Variants in PRDM14 observed in about 807,000 individuals in gnomAD.
PRDM14 encodes PR/SET domain 14.
In PRDM14, 16 loss-of-function variants were observed where a neutral mutation model predicts 48.0. That is an observed-to-expected ratio of 0.33 (90% CI 0.23 to 0.51). The LOEUF (loss-of-function observed/expected upper bound fraction) is 0.51. Ranked by LOEUF, PRDM14 falls within the 20% of genes least tolerant of loss-of-function variation. The pLI is 0.97. For missense variants in PRDM14, 566 were observed against 719.6 expected (o/e 0.79, Z 2.44); for synonymous variants, 264 against 276.6 (o/e 0.95, Z 0.45).
At position 70,052,136 on chromosome 8, in the gene PRDM14, T is replaced by C; in HGVS notation, c.1657A>G (p.Lys553Glu). ...DDGCSCSICG[K>E]IFSDQETFYS... is the part of the protein sequence containing the mutation. Reference sequence around the variant, plus strand: ...AATGTTTCTTGATCTGAGAAGATTTTCCCACAGATGCTGCATGAGCAGCCA... The same window carrying C: ...AATGTTTCTTGATCTGAGAAGATTTCCCCACAGATGCTGCATGAGCAGCCA... Residue 553 changes from lysine (K) to glutamate (E), a missense_variant, in exon 8 of 8, where the codon AAA becomes GAA. Coordinates refer to ENST00000276594, the MANE Select transcript of PRDM14 (RefSeq NM_024504.4). 3.7e-6 allele frequency: 6 copies of C among 1,613,050 alleles called. No homozygotes were observed. Among genetic ancestry groups the C allele is most frequent in the Non-Finnish European group, 4.2e-6 (5 of 1,179,874 alleles).
intron 6 of PRDM14, among the ~76,000 whole-genome samples, chr8:70,055,751 C>T (rs1265330652): frequency 6.6e-6 from 1 of 152,148 alleles, no homozygotes; most frequent in Non-Finnish European, 1.5e-5. Context: ...ATCCTCCTGC[C>T]TTGGCCTCCC....
intron 1 of PRDM14, 32 bp from the exon 2 acceptor site, chr8:70,069,916 G>A (rs1805739196): frequency 8.0e-6 from 11 of 1,371,772 alleles, no homozygotes; most frequent in East Asian, 7.5e-5. Context: ...TGAGGACACC[G>A]CGCGGGAGCT....
intron 5 of PRDM14, among the ~76,000 whole-genome samples, chr8:70,063,479 G>A (rs770783620): frequency 2.0e-5 from 3 of 152,016 alleles, no homozygotes; most frequent in Non-Finnish European, 2.9e-5. Context: ...CATCTTGCCA[G>A]TTACTAAGCA....
In PRDM14 at chr8:70,051,770, T is replaced by TTTTTGTTTTGTTTTG. The variant is rs71275046; in HGVS notation, c.*292_*306dup. 894 of 247,600 alleles carry TTTTTGTTTTGTTTTG rather than the reference T, an allele frequency of 3.6e-3. 6 individuals are homozygous for TTTTTGTTTTGTTTTG. Among genetic ancestry groups the TTTTTGTTTTGTTTTG allele is most frequent in the African/African-American group, 0.019 (849 of 45,474 alleles). 15.3% of individuals were successfully genotyped at this position (247,600 alleles called of 1,614,324 possible). A position where few individuals can be genotyped will look rare whatever the true frequency, so the allele number is the denominator to read the frequency against. On this transcript the variant is annotated 3_prime_UTR_variant, in exon 8 of 8. Transcript: ENST00000276594. ...CCACACTCTTGAGGGCTACTCATTT[T>TTTTTGTTTTGTTTTG]TTTTGTTTTGTTTTGTTTTGAGACA...
At position 70,068,481 on chromosome 8, in the gene PRDM14, T is replaced by C. The variant is rs1379550880; in HGVS notation, c.752A>G (p.Glu251Gly). The change falls in exon 3 of 8, where the codon GAA becomes GGA. Residue 251 changes from glutamate (E) to glycine (G), a missense_variant and splice_region_variant. Physicochemically the swap from Glu to Gly is moderately conservative, Grantham distance 98. Coordinates refer to ENST00000276594, the MANE Select transcript of PRDM14 (RefSeq NM_024504.4). ...TCCATGCAAGGAGTCCTGCCTACCTTCTGGAAGTTGAAGGGAGTCTTTATC... is the reference window on the plus strand; with the variant it reads ...TCCATGCAAGGAGTCCTGCCTACCTCCTGGAAGTTGAAGGGAGTCTTTATC... ...TLDKDSLQLP[E>G]GLCLMQTVFG... 1.2e-6 allele frequency: 2 copies of C among 1,614,022 alleles called. No individual in the cohort carries two copies. The highest frequency in any genetic ancestry group is 3.3e-5 in the Admixed American group (2 of 60,002).
At chr8:70,055,479 G>T in intron 6 of PRDM14, 78 bp from the exon 7 acceptor site, 1 of 790,524 alleles carries the variant, frequency 1.3e-6, no homozygotes, top group South Asian at 1.6e-5. Context: ...TTTACCTGGG[G>T]TTAGAGAAGA....
chr8:70,055,858 T>C (rs1035007084), intron 6 of PRDM14, among the ~76,000 whole-genome samples: 4 of 152,184 alleles, frequency 2.6e-5, no homozygotes, highest in Non-Finnish European at 5.9e-5. Context: ...TTGTGGTATA[T>C]GGCAGAGGCC....
chr8:70,066,298 G>A lies in PRDM14; in HGVS notation c.1120C>T (p.Leu374=), dbSNP rs1430470075. ...VWYGDCYEKF[L]DIPVSLQVTE... ...ACCTGAAGGCTCACAGGAATATCCAGAAATTTCTCATAGCAGTCTCCATAC... is the reference window on the plus strand; with the variant it reads ...ACCTGAAGGCTCACAGGAATATCCAAAAATTTCTCATAGCAGTCTCCATAC... The change falls in exon 5 of 8, where the codon CTG becomes TTG. Residue 374 remains leucine, a synonymous_variant. Coordinates refer to ENST00000276594, the MANE Select transcript of PRDM14 (RefSeq NM_024504.4). 2.5e-6 allele frequency: 4 copies of A among 1,614,068 alleles called. No individual in the cohort carries two copies. The highest frequency in any genetic ancestry group is 3.4e-6 in the Non-Finnish European group (4 of 1,180,050).
chr8:70,066,271 T>A lies in PRDM14; in HGVS notation c.1147A>T (p.Thr383Ser). 6.2e-7 allele frequency: 1 copy of A among 1,614,132 alleles called. No homozygotes were observed. The highest frequency in any genetic ancestry group is 1.1e-5 in the South Asian group (1 of 91,080). The stretch of plus-strand genomic sequence containing the variant: ...CCAGATGGCTGCTTCCCCGGCTCTG[T>A]GACCTGAAGGCTCACAGGAATATCC... Reference protein sequence around the residue: ...FLDIPVSLQVTEPGKQPSGPS... With the variant: ...FLDIPVSLQVSEPGKQPSGPS... The change falls in exon 5 of 8, where the codon ACA becomes TCA. Residue 383 changes from threonine to serine, a missense_variant. Physicochemically the swap from Thr to Ser is moderately conservative, Grantham distance 58 (BLOSUM62 1). This residue lies in a region of PRDM14 where 126 missense variants were observed against 271.6 expected (regional missense o/e 0.46). Transcript: ENST00000276594.
At chr8:70,070,516 C>A (rs956437394) in intron 1 of PRDM14, among the ~76,000 whole-genome samples, 2 of 152,196 alleles carry the variant, frequency 1.3e-5, no homozygotes, top group Non-Finnish European at 1.5e-5. Flanking sequence ...GCGGTGTGAC[C>A]CCGCGGGTCC....
intron 5 of PRDM14, among the ~76,000 whole-genome samples, chr8:70,060,499 G>T (rs956222971): frequency 1.3e-5 from 2 of 151,572 alleles, no homozygotes; most frequent in African/African-American, 4.9e-5. Context: ...ACTTATATAT[G>T]CACATTTATA....
intron 6 of PRDM14, 146 bp from the exon 7 acceptor site, chr8:70,055,547 C>G: frequency 1.9e-6 from 1 of 522,226 alleles, no homozygotes; most frequent in Non-Finnish European, 3.4e-6. Context: ...AATTTGTTAC[C>G]CAGACTGGAC....
In PRDM14 at chr8:70,063,553, T is replaced by C. The variant is rs542653745; in HGVS notation, c.1183+2682A>G. ...TCATTTTTCTTTTTGAGATGGAGTC[T>C]CACTCTGTCACCCAGGCTGGAGTGC... On this transcript the variant is annotated intron_variant, in intron 5 of 7. Transcript: ENST00000276594. Among the ~76,000 whole-genome samples the C allele has an allele frequency of 1.0e-3, 152 of 152,228 alleles. 1 individual carries two copies. Among genetic ancestry groups the C allele is most frequent in the Non-Finnish European group, 1.7e-3 (113 of 68,018 alleles).
In PRDM14 at chr8:70,059,202, C is replaced by A. The variant is rs182330013; in HGVS notation, c.1184-360G>T. ...ACTCCTGACCTCAGGTGATCAGCCC[C>A]TCTTGGCCTCCCAAAGTGCTAGGAT... On this transcript the variant is annotated intron_variant, in intron 5 of 7. Transcript: ENST00000276594. 5.8e-3 allele frequency among the ~76,000 whole-genome samples: 890 copies of A among 152,190 alleles called. 11 individuals are homozygous for A. The highest frequency in any genetic ancestry group is 0.02 in the African/African-American group (850 of 41,536).
At chr8:70,067,294 G>A (rs1310582385) in intron 4 of PRDM14, among the ~76,000 whole-genome samples, 1 of 152,144 alleles carries the variant, frequency 6.6e-6, no homozygotes, top group African/African-American at 2.4e-5. Context: ...GCCAAAGCAG[G>A]CGGATCATGA....
chr8:70,058,075 A>C (rs72663913), intron 6 of PRDM14, among the ~76,000 whole-genome samples: 1,885 of 152,316 alleles, frequency 0.012, 22 homozygotes, highest in Middle Eastern at 0.068. Flanking sequence ...CTAGCAGAGC[A>C]TCCAGGTATT....
At chr8:70,067,375 G>A (rs1441322147) in intron 4 of PRDM14, among the ~76,000 whole-genome samples, 8 of 151,938 alleles carry the variant, frequency 5.3e-5, no homozygotes, top group Non-Finnish European at 1.0e-4. Context: ...AAAATTAGCC[G>A]GGCATGGTGG....
In PRDM14 at chr8:70,069,597, A is replaced by G. The variant is rs1369482643; in HGVS notation, c.264T>C (p.Pro88=). The G allele has an allele frequency of 3.1e-6, 5 of 1,593,324 alleles. No homozygotes were observed. The highest frequency in any genetic ancestry group is 1.8e-5 in the Admixed American group (1 of 56,268). ...LSPGLGLQRE[P]LYDLPWYSKL... ...TGCTGTACCAGGGCAGATCGTAGAG[A>G]GGCTCCCTCTGTAGGCCCAGACCCG... is the stretch of plus-strand genomic sequence containing the variant. Residue 88 remains proline, a synonymous_variant, in exon 2 of 8, where the codon CCT becomes CCC. Coordinates refer to ENST00000276594, the MANE Select transcript of PRDM14 (RefSeq NM_024504.4).
In PRDM14 at chr8:70,067,007, G is replaced by A. The variant is rs1270195878; in HGVS notation, c.913-502C>T. Among the ~76,000 whole-genome samples, 5 of 152,110 alleles carry A rather than the reference G, an allele frequency of 3.3e-5. No individual in the cohort carries two copies. The South Asian group carries it at 1.0e-3, about 32-fold the overall frequency. On this transcript the variant is annotated intron_variant, in intron 4 of 7. Transcript: ENST00000276594. ...GGCCTCCTAAAGTGCTAGAATTACA[G>A]GTGTAAGCCACTGAGCCTGCCTAAT...
Sources: gnomAD v4.1 joint callset for allele counts (sites outside exome capture counted in the v4.1 genomes callset) on GRCh38, gnomAD v4.1.1 for gene constraint, gnomAD v4.1.1 regional missense constraint, MANE v1.5 for transcripts, NCBI Gene and HGNC (gene_info 2026-07-23, HGNC 2026-07-21) for gene names.